TMEM156: variants seen among roughly 807,000 people sequenced by gnomAD.
TMEM156 encodes transmembrane protein 156.
In TMEM156, 28 loss-of-function variants were observed where a neutral mutation model predicts 30.5. The observed-to-expected ratio is 0.92, with a 90% CI of 0.68 to 1.26. The LOEUF is 1.26. Among genes scored for constraint, TMEM156 ranks in the 50% most tolerant of loss-of-function variants. The pLI, the probability that TMEM156 is intolerant of heterozygous loss-of-function variation, is 0.00. For synonymous variants in TMEM156, 137 were observed against 119.9 expected (o/e 1.14, Z -0.93); for missense variants, 351 against 340.6 (o/e 1.03, Z -0.24).
chr4:38,993,427 G>A (rs1484216447), intron 3 of TMEM156, among the ~76,000 whole-genome samples: 1 of 151,120 alleles, frequency 6.6e-6, no homozygotes, highest in African/African-American at 2.4e-5. Flanking sequence ...GTGAGACCCT[G>A]TCTCAAACAA....
At chr4:38,998,998 C>G in intron 1 of TMEM156, 89 bp from the exon 2 acceptor site, 1 of 1,169,360 alleles carries the variant, frequency 8.6e-7, no homozygotes, top group Non-Finnish European at 1.2e-6. Flanking sequence ...CCCAGTTTTT[C>G]TTAGGTGGAT....
At chr4:38,972,680 T>C (rs1336066802) in intron 5 of TMEM156, among the ~76,000 whole-genome samples, 2 of 152,136 alleles carry the variant, frequency 1.3e-5, no homozygotes, top group African/African-American at 2.4e-5. Flanking sequence ...GAATTTATTC[T>C]GAATGAGCCT....
intron 1 of TMEM156, among the ~76,000 whole-genome samples, chr4:39,002,798 A>G (rs1256058379): frequency 1.4e-5 from 2 of 147,884 alleles, no homozygotes; most frequent in Non-Finnish European, 3.0e-5. Context: ...AAAACCAAAC[A>G]CCGCATATTC....
At chr4:39,031,774 C>G (rs1715517358) in intron 1 of TMEM156, among the ~76,000 whole-genome samples, 1 of 151,256 alleles carries the variant, frequency 6.6e-6, no homozygotes, top group South Asian at 2.1e-4. Flanking sequence ...ATCCCAGCTA[C>G]TCGGAGGCTG....
intron 1 of TMEM156, among the ~76,000 whole-genome samples, chr4:39,013,331 AAAAGAAAAC>A (rs1714249301): frequency 2.0e-5 from 3 of 151,474 alleles, no homozygotes; most frequent in African/African-American, 7.3e-5. Context: ...GAAAGAAAGA[AAAAGAAAAC>A]AAAGAAAAAA....
intron 5 of TMEM156, among the ~76,000 whole-genome samples, chr4:38,984,548 C>A (rs1306571236): frequency 6.6e-6 from 1 of 151,972 alleles, no homozygotes; most frequent in African/African-American, 2.4e-5. Context: ...GAGAACCATG[C>A]TGACACATTT....
intron 5 of TMEM156, chr4:38,981,051 G>T: frequency 3.7e-6 from 2 of 541,790 alleles, no homozygotes; most frequent in Non-Finnish European, 2.4e-6. Context: ...GCAGATGGCT[G>T]TAACCTTTCC....
intron 6 of TMEM156, among the ~76,000 whole-genome samples, 190 bp from the exon 7 acceptor site, chr4:38,967,831 C>G (rs1181799865): frequency 2.0e-5 from 3 of 152,260 alleles, no homozygotes; most frequent in African/African-American, 7.2e-5. Context: ...CTCAGCCTCC[C>G]AAAGTACTGG....
intron 5 of TMEM156, among the ~76,000 whole-genome samples, chr4:38,985,480 A>G (rs1474764728): frequency 6.6e-6 from 1 of 152,190 alleles, no homozygotes; most frequent in Non-Finnish European, 1.5e-5. Context: ...CCCCAGTGAA[A>G]TGCGGTGCAA....
At chr4:39,029,420 A>G (rs551737338) in intron 1 of TMEM156, among the ~76,000 whole-genome samples, 38 of 152,246 alleles carry the variant, frequency 2.5e-4, no homozygotes, top group African/African-American at 4.3e-4. Flanking sequence ...TTAGTTGTCA[A>G]TTTAACTCAT....
At chr4:38,983,018 T>C (rs1191176589) in intron 5 of TMEM156, among the ~76,000 whole-genome samples, 5 of 152,142 alleles carry the variant, frequency 3.3e-5, no homozygotes, top group African/African-American at 1.2e-4. Context: ...CTCATACTCC[T>C]CCTTGGAGCT....
chr4:39,021,844 T>C (rs1316767772), intron 1 of TMEM156, among the ~76,000 whole-genome samples: 1 of 152,242 alleles, frequency 6.6e-6, no homozygotes, highest in African/African-American at 2.4e-5. Context: ...CATTCTTCTG[T>C]GCTTACTCAT....
intron 2 of TMEM156, among the ~76,000 whole-genome samples, chr4:38,996,814 G>C (rs1251797810): frequency 6.6e-6 from 1 of 152,096 alleles, no homozygotes; most frequent in Non-Finnish European, 1.5e-5. Context: ...GTTCATTGCA[G>C]CATCATTCAC....
At chr4:38,972,998 A>G (rs1253293711) in intron 5 of TMEM156, among the ~76,000 whole-genome samples, 1 of 152,220 alleles carries the variant, frequency 6.6e-6, no homozygotes, top group African/African-American at 2.4e-5. Flanking sequence ...TGCAGTTATA[A>G]ATGAGTCGTA....
At chr4:38,992,695 T>A (rs1387443250) in intron 3 of TMEM156, among the ~76,000 whole-genome samples, 1 of 34,932 alleles carries the variant, frequency 2.9e-5, no homozygotes, top group African/African-American at 1.1e-4. Context: ...TATAATATAT[T>A]ATATAATATA....
chr4:39,023,093 G>T (rs1050739661), intron 1 of TMEM156, among the ~76,000 whole-genome samples: 1 of 152,160 alleles, frequency 6.6e-6, no homozygotes, highest in Non-Finnish European at 1.5e-5. Context: ...TAATGGATGG[G>T]ATTAGTGTCC....
intron 5 of TMEM156, among the ~76,000 whole-genome samples, chr4:38,978,258 A>G (rs7694415): frequency 0.52 from 76,948 of 147,814 alleles, 22,855 homozygotes; most frequent in Non-Finnish European, 0.67. Flanking sequence ...GAAAGCCAAA[A>G]GTAACTTTTA....
At chr4:38,996,956 T>C (rs1441048204) in intron 2 of TMEM156, among the ~76,000 whole-genome samples, 3 of 152,146 alleles carry the variant, frequency 2.0e-5, no homozygotes, top group Non-Finnish European at 4.4e-5. Flanking sequence ...CATTGATAGA[T>C]GAGTGGATAA....
chr4:39,014,757 CAA>C (rs34040774), intron 1 of TMEM156, among the ~76,000 whole-genome samples: 52,829 of 125,222 alleles, frequency 0.42, 10,444 homozygotes, highest in East Asian at 0.59. Flanking sequence ...GACTCCATCT[CAA>C]AAAAAAAAAA....
Sources: allele counts gnomAD v4.1 joint callset (sites outside exome capture counted in the v4.1 genomes callset), GRCh38; gene constraint gnomAD v4.1.1; transcripts MANE v1.5; gene names NCBI Gene and HGNC (gene_info 2026-07-23, HGNC 2026-07-21).